The following ADGRB3 variants were observed in gnomAD, a reference collection of about 807,000 sequenced individuals.
The protein encoded by ADGRB3 is brain-specific angiogenesis inhibitor 3.
ADGRB3 carries 37 observed loss-of-function variants against 193.4 expected under a neutral mutation model. The ratio of observed to expected loss-of-function variants is 0.19; its 90% CI spans 0.15 to 0.25. ADGRB3 has a LOEUF of 0.25. ADGRB3 is among the 10% of genes least tolerant of loss of function. ADGRB3 has a pLI of 1.00. For missense variants in ADGRB3, 1,637 were observed against 1,852.9 expected (o/e 0.88, Z 2.14); for synonymous variants, 690 against 644.2 (o/e 1.07, Z -1.08).
chr6:69,347,604 C>A (rs1482838584), intron 26 of ADGRB3, among the ~76,000 whole-genome samples: 1 of 151,814 alleles, frequency 6.6e-6, no homozygotes, highest in African/African-American at 2.4e-5. Flanking sequence ...CAGTGAGACC[C>A]ACATCTCTAC....
chr6:68,927,637 A>G (rs1767217791), intron 3 of ADGRB3, among the ~76,000 whole-genome samples: 1 of 152,142 alleles, frequency 6.6e-6, no homozygotes, highest in Non-Finnish European at 1.5e-5. Context: ...AAACTTTGGC[A>G]GAAGAAACAC....
At chr6:69,035,844 T>C (rs1274187368) in intron 13 of ADGRB3, among the ~76,000 whole-genome samples, 1 of 152,160 alleles carries the variant, frequency 6.6e-6, no homozygotes, top group African/African-American at 2.4e-5. Flanking sequence ...AGGACATAGA[T>C]ATGTCAAGGG....
intron 20 of ADGRB3, among the ~76,000 whole-genome samples, chr6:69,305,710 G>A (rs1433169929): frequency 1.3e-5 from 2 of 151,154 alleles, no homozygotes; most frequent in Non-Finnish European, 3.0e-5. Flanking sequence ...CCTGGACTCA[G>A]GCTCATGGAA....
chr6:69,108,216 C>T (rs1432412383), intron 17 of ADGRB3, among the ~76,000 whole-genome samples: 1 of 151,994 alleles, frequency 6.6e-6, no homozygotes, highest in Non-Finnish European at 1.5e-5. Context: ...AGTTTCATTG[C>T]AAATTCCTCA....
chr6:69,212,013 A>G (rs1765678144), intron 17 of ADGRB3, among the ~76,000 whole-genome samples: 3 of 152,212 alleles, frequency 2.0e-5, no homozygotes, highest in Admixed American at 6.5e-5. Flanking sequence ...GATTTAGCAG[A>G]CTGACTTTTA....
At chr6:68,868,911 A>ATGTGTGTG (rs375255522) in intron 3 of ADGRB3, among the ~76,000 whole-genome samples, 6,262 of 139,670 alleles carry the variant, frequency 0.045, 280 homozygotes, top group African/African-American at 0.11. Flanking sequence ...CCAGATAATG[A>ATGTGTGTG]TGTGTGTGTG....
intron 10 of ADGRB3, among the ~76,000 whole-genome samples, chr6:68,986,739 G>A (rs1297231710): frequency 6.6e-6 from 1 of 152,184 alleles, no homozygotes; most frequent in Non-Finnish European, 1.5e-5. Context: ...ACTTAGAACT[G>A]TGAAAGCCTT....
At chr6:69,076,399 A>G (rs1236548075) in intron 17 of ADGRB3, among the ~76,000 whole-genome samples, 2 of 152,138 alleles carry the variant, frequency 1.3e-5, no homozygotes, top group African/African-American at 4.8e-5. Context: ...AGCAAGATCT[A>G]TGGTCATTTA....
chr6:68,851,446 A>T (rs190922120), intron 3 of ADGRB3, among the ~76,000 whole-genome samples: 8 of 152,054 alleles, frequency 5.3e-5, no homozygotes, highest in African/African-American at 1.9e-4. Context: ...ACCAAGAAGT[A>T]ACTATTTAAT....
intron 3 of ADGRB3, among the ~76,000 whole-genome samples, chr6:68,867,604 G>A (rs1765332816): frequency 1.3e-5 from 2 of 152,148 alleles, no homozygotes; most frequent in African/African-American, 4.8e-5. Flanking sequence ...TCCACAGACA[G>A]TTTGTACTGT....
intron 3 of ADGRB3, among the ~76,000 whole-genome samples, chr6:68,885,751 T>TC (rs1474028129): frequency 2.0e-5 from 3 of 152,126 alleles, no homozygotes; most frequent in Non-Finnish European, 2.9e-5. Flanking sequence ...ACTTTGTGGG[T>TC]CCTGGGTATC....
At chr6:68,719,198 C>G (rs1765533749) in intron 3 of ADGRB3, among the ~76,000 whole-genome samples, 1 of 151,612 alleles carries the variant, frequency 6.6e-6, no homozygotes, top group Non-Finnish European at 1.5e-5. Flanking sequence ...GTTTTTAAGT[C>G]CGTGTCCCTG....
chr6:68,710,348 T>G (rs1407167799), intron 3 of ADGRB3, among the ~76,000 whole-genome samples: 1 of 152,020 alleles, frequency 6.6e-6, no homozygotes, highest in Non-Finnish European at 1.5e-5. Context: ...GGCTCCCACC[T>G]CTTCTGCTGC....
At chr6:69,332,051 T>G in intron 23 of ADGRB3, 3 of 985,342 alleles carry the variant, frequency 3.0e-6, no homozygotes, top group Non-Finnish European at 2.4e-6. Flanking sequence ...ACACCAAGAT[T>G]GGAAAGAGGC....
intron 11 of ADGRB3, among the ~76,000 whole-genome samples, chr6:68,999,562 C>A (rs541824756): frequency 6.6e-6 from 1 of 152,316 alleles, no homozygotes; most frequent in South Asian, 2.1e-4. Context: ...CTGCGCCCAG[C>A]CAGATTTCCC....
chr6:69,335,209 C>G (rs1321974), intron 24 of ADGRB3, among the ~76,000 whole-genome samples: 5,650 of 151,858 alleles, frequency 0.037, 176 homozygotes, highest in Admixed American at 0.095. Flanking sequence ...ATGTGTAAAG[C>G]CCAGTTTAAT....
intron 3 of ADGRB3, among the ~76,000 whole-genome samples, chr6:68,877,013 T>G (rs1765612869): frequency 6.6e-6 from 1 of 152,110 alleles, no homozygotes; most frequent in Non-Finnish European, 1.5e-5. Context: ...CATTTTATTT[T>G]GAAACACATC....
intron 17 of ADGRB3, chr6:69,233,084 C>A (rs767122775): frequency 1.5e-6 from 1 of 674,140 alleles, no homozygotes; most frequent in Admixed American, 3.2e-5. Context: ...CACGCCGCAC[C>A]GCCGCCTGCT....
intron 3 of ADGRB3, among the ~76,000 whole-genome samples, chr6:68,794,011 G>T (rs925305529): frequency 6.6e-6 from 1 of 152,084 alleles, no homozygotes; most frequent in Non-Finnish European, 1.5e-5. Flanking sequence ...TTCTCAAGAT[G>T]CATGTAAAGC....
Sources: allele counts gnomAD v4.1 joint callset (sites outside exome capture counted in the v4.1 genomes callset), GRCh38; gene constraint gnomAD v4.1.1; transcripts MANE v1.5; gene names NCBI Gene and HGNC (gene_info 2026-07-23, HGNC 2026-07-21).